OSBPL5: variants seen among roughly 807,000 people sequenced by gnomAD.
OSBPL5 encodes oxysterol binding protein like 5.
A neutral mutation model predicts 111.2 loss-of-function variants in OSBPL5; 71 were observed. The ratio of observed to expected loss-of-function variants is 0.64; its 90% CI spans 0.53 to 0.78. OSBPL5 has a LOEUF of 0.78. Ranked by LOEUF, OSBPL5 falls within the 30% of genes least tolerant of loss-of-function variation. The pLI is 0.00. For missense variants in OSBPL5, 1,210 were observed against 1,189.3 expected (o/e 1.02, Z -0.26); for synonymous variants, 549 against 513.9 (o/e 1.07, Z -0.93).
chr11:3,092,317 A>G lies in OSBPL5; in HGVS notation c.2259+115T>C. On this transcript the variant is annotated intron_variant, in intron 19 of 21. Transcript: ENST00000263650. The surrounding 1 kb of genome is among the most constrained non-coding windows in gnomAD (Gnocchi z 5.4). ...AAGGGGACGAGGGGGCTGGGGGATG[A>G]GGGCGTGAGGGAAACGGAGCGAGGG... is the stretch of plus-strand genomic sequence containing the variant. The G allele has an allele frequency of 7.5e-7, 1 of 1,339,302 alleles. No homozygotes were observed. Among genetic ancestry groups the G allele is most frequent in the East Asian group, 2.6e-5 (1 of 38,382 alleles). The allele number at this position is 1,339,302 out of a possible 1,614,324, so 83.0% of individuals were successfully genotyped here.
At chr11:3,125,287 G>C (rs932925695) in intron 3 of OSBPL5, among the ~76,000 whole-genome samples, 2 of 152,204 alleles carry the variant, frequency 1.3e-5, no homozygotes, top group Admixed American at 1.3e-4. Flanking sequence ...CGCAAATCAT[G>C]TATCGGATAA....
chr11:3,120,667 G>A (rs747238118), intron 5 of OSBPL5, 43 bp from the exon 6 acceptor site: 156 of 1,596,026 alleles, frequency 9.8e-5, no homozygotes, highest in Middle Eastern at 2.2e-4. Flanking sequence ...CTCTGGGGCC[G>A]CCATCCCTGG....
chr11:3,109,314 A>C lies in OSBPL5; in HGVS notation c.692-1369T>G, dbSNP rs1857827073. ...AGGCTGGTCTCAACCTCTGGGCCTC[A>C]AGTGATCTGCGTCGGCCTCCCAAAG... On this transcript the variant is annotated intron_variant, in intron 7 of 21. Coordinates refer to ENST00000263650, the MANE Select transcript of OSBPL5 (RefSeq NM_020896.4). The surrounding 1 kb of genome is among the most constrained non-coding windows in gnomAD (Gnocchi z 7.4). Among the ~76,000 whole-genome samples, 1 of 148,092 alleles carries C rather than the reference A, an allele frequency of 6.8e-6. No individual in the cohort carries two copies. Among genetic ancestry groups the C allele is most frequent in the Non-Finnish European group, 1.5e-5 (1 of 67,146 alleles).
rs2134508611 is a variant in OSBPL5, at chr11:3,140,262, C to A, written c.-21-11093G>T. ...CTGAGTTCAGCTCTGGAAGGGGCAG[C>A]CCACAGCAATGCTCTCTGTGAAGGG... On this transcript the variant is annotated intron_variant, in intron 1 of 21. Coordinates refer to ENST00000263650, the MANE Select transcript of OSBPL5 (RefSeq NM_020896.4). The surrounding 1 kb of genome is among the most constrained non-coding windows in gnomAD (Gnocchi z 4.5). Among the ~76,000 whole-genome samples the A allele has an allele frequency of 6.6e-6, 1 of 152,292 alleles. No homozygotes were observed. The highest frequency in any genetic ancestry group is 6.5e-5 in the Admixed American group (1 of 15,308).
intron 1 of OSBPL5, among the ~76,000 whole-genome samples, chr11:3,156,590 T>A (rs1199724026): frequency 6.6e-6 from 1 of 152,214 alleles, no homozygotes; most frequent in Non-Finnish European, 1.5e-5. Flanking sequence ...TTGTAGCTGC[T>A]GAAAGACGCC....
At position 3,104,164 on chromosome 11, in the gene OSBPL5, T is replaced by G; in HGVS notation, c.1244+29A>C. On this transcript the variant is annotated intron_variant, in intron 10 of 21. Coordinates refer to ENST00000263650, the MANE Select transcript of OSBPL5 (RefSeq NM_020896.4). This position sits in a 1 kb window ranked among gnomAD's most constrained non-coding sequence, Gnocchi z 5.0. ...TCTCATGCAGATGCAGGACGAGGTG[T>G]GGGGTGCCCCTCCCGGCATGGCGCG... 1.9e-6 allele frequency: 3 copies of G among 1,583,946 alleles called. No individual in the cohort carries two copies. The highest frequency in any genetic ancestry group is 2.6e-6 in the Non-Finnish European group (3 of 1,159,754).
rs947291215 is a variant in OSBPL5, at chr11:3,087,992, C to T, written c.*213G>A. 1.6e-5 allele frequency: 7 copies of T among 437,974 alleles called. No individual in the cohort carries two copies. Among genetic ancestry groups the T allele is most frequent in the East Asian group, 7.1e-5 (2 of 28,174 alleles). The allele number at this position is 437,974 out of a possible 1,614,324, so 27.1% of individuals were successfully genotyped here. A position where few individuals can be genotyped will look rare whatever the true frequency, so the allele number is the denominator to read the frequency against. On this transcript the variant is annotated 3_prime_UTR_variant, in exon 22 of 22. Transcript: ENST00000263650. Reference sequence around the variant, plus strand: ...CTTTAGCATTAAGGCCAGCGCTGGGCGGAAGGCCCTGCAGAGAGGCCAGTG... The same window carrying T: ...CTTTAGCATTAAGGCCAGCGCTGGGTGGAAGGCCCTGCAGAGAGGCCAGTG...
At chr11:3,136,777 G>A (rs1161032610) in intron 1 of OSBPL5, among the ~76,000 whole-genome samples, 2 of 152,234 alleles carry the variant, frequency 1.3e-5, no homozygotes, top group African/African-American at 4.8e-5. Context: ...TGACAGGGCT[G>A]GGCCGCGCTG....
chr11:3,099,245 C>T (rs1331525360), intron 14 of OSBPL5, among the ~76,000 whole-genome samples: 2 of 152,174 alleles, frequency 1.3e-5, no homozygotes, highest in Non-Finnish European at 2.9e-5. Flanking sequence ...CTAGTCACGT[C>T]TAATCATAAG....
intron 1 of OSBPL5, among the ~76,000 whole-genome samples, chr11:3,143,711 G>T (rs577777911): frequency 1.3e-5 from 2 of 152,220 alleles, no homozygotes; most frequent in African/African-American, 4.8e-5. Flanking sequence ...GTTCTGTCCC[G>T]GTTTCCTGGG....
At chr11:3,112,164 TTC>T (rs376223993) in intron 7 of OSBPL5, among the ~76,000 whole-genome samples, 3 of 152,194 alleles carry the variant, frequency 2.0e-5, no homozygotes, top group African/African-American at 7.2e-5. Flanking sequence ...ACCTTCATGT[TTC>T]TGTTTTTGTT....
At chr11:3,102,423 C>T in intron 11 of OSBPL5, 142 bp from the exon 12 acceptor site, 3 of 711,590 alleles carry the variant, frequency 4.2e-6, no homozygotes, top group Admixed American at 2.2e-5. Flanking sequence ...CATCTGGGAA[C>T]AACACCTCAC....
rs769792525 is a variant in OSBPL5, at chr11:3,162,195, T to C, written c.-22+3021A>G. On this transcript the variant is annotated intron_variant, in intron 1 of 21. Coordinates refer to ENST00000263650, the MANE Select transcript of OSBPL5 (RefSeq NM_020896.4). This position sits in a 1 kb window ranked among gnomAD's most constrained non-coding sequence, Gnocchi z 8.1. ...GGAAGGCCACGAAAGGGGAGCCTAC[T>C]AGGTAGCTGATGTGGAGCTCCAGGC... Among the ~76,000 whole-genome samples, 2 of 151,964 alleles carry C rather than the reference T, an allele frequency of 1.3e-5. No homozygotes were observed. The highest frequency in any genetic ancestry group is 2.9e-5 in the Non-Finnish European group (2 of 67,960).
chr11:3,148,940 T>C (rs1193599543), intron 1 of OSBPL5, among the ~76,000 whole-genome samples: 1 of 152,162 alleles, frequency 6.6e-6, no homozygotes. Flanking sequence ...AGGAGCTGAG[T>C]AGCCTCTGCT....
rs114990492 is a variant in OSBPL5, at chr11:3,106,531, C to T, written c.1059+732G>A. 1.3e-5 allele frequency among the ~76,000 whole-genome samples: 2 copies of T among 152,184 alleles called. No individual in the cohort carries two copies. The highest frequency in any genetic ancestry group is 6.5e-5 in the Admixed American group (1 of 15,286). ...AGGCGCCCCACGGTGCCCAGGGCCA[C>T]GTGAGTTCTCTCCAGCTGCGGGGAG... On this transcript the variant is annotated intron_variant, in intron 9 of 21. Coordinates refer to ENST00000263650, the MANE Select transcript of OSBPL5 (RefSeq NM_020896.4). The surrounding 1 kb of genome is among the most constrained non-coding windows in gnomAD (Gnocchi z 8.4).
At position 3,090,573 on chromosome 11, in the gene OSBPL5, C is replaced by T. The variant is rs1857021615; in HGVS notation, c.2383G>A (p.Gly795Ser). The T allele has an allele frequency of 6.8e-6, 11 of 1,612,694 alleles. No homozygotes were observed. The highest frequency in any genetic ancestry group is 3.3e-4 in the Middle Eastern group (2 of 6,076). ...GGGGGCTCACCAGGGACAAAGTCACCATCCTGCTCCTCGTCTGAGAGCTCT... is the reference window on the plus strand; with the variant it reads ...GGGGGCTCACCAGGGACAAAGTCACTATCCTGCTCCTCGTCTGAGAGCTCT... ...CPELSDEEQD[G>S]DFVPGGESPC... The change falls in exon 20 of 22, where the codon GGT becomes AGT. Residue 795 changes from glycine (G) to serine (S), a missense_variant. Coordinates refer to ENST00000263650, the MANE Select transcript of OSBPL5 (RefSeq NM_020896.4).
At chr11:3,122,521 G>A in intron 3 of OSBPL5, 93 bp from the exon 4 acceptor site, 1 of 1,122,676 alleles carries the variant, frequency 8.9e-7, no homozygotes, top group Non-Finnish European at 1.3e-6. Context: ...TATGAGGGCA[G>A]AAGTCAGAGA....
intron 1 of OSBPL5, among the ~76,000 whole-genome samples, chr11:3,137,730 G>C (rs1158370582): frequency 6.6e-6 from 1 of 152,206 alleles, no homozygotes. Flanking sequence ...GATTGCTTGA[G>C]CCTGGGAGGT....
Position 3,107,639 on chromosome 11 carries a change from T to G in OSBPL5, c.866+132A>C. 2.2e-6 allele frequency: 3 copies of G among 1,382,744 alleles called. No individual in the cohort carries two copies. In the South Asian group the frequency reaches 3.9e-5, roughly 18 times the overall value. 85.7% of individuals were successfully genotyped at this position (1,382,744 alleles called of 1,614,324 possible). A position where few individuals can be genotyped will look rare whatever the true frequency, so the allele number is the denominator to read the frequency against. ...AGGAACCGAGGCTCCCAGGGCACAC[T>G]GCAGCGAACAAGTCCCTGCGTGCAG... On this transcript the variant is annotated intron_variant, in intron 8 of 21. Coordinates refer to ENST00000263650, the MANE Select transcript of OSBPL5 (RefSeq NM_020896.4). The surrounding 1 kb of genome is among the most constrained non-coding windows in gnomAD (Gnocchi z 6.1).
Sources: allele counts gnomAD v4.1 joint callset (sites outside exome capture counted in the v4.1 genomes callset), GRCh38; gene constraint gnomAD v4.1.1; non-coding constraint Gnocchi (gnomAD v3.1); transcripts MANE v1.5; gene names NCBI Gene and HGNC (gene_info 2026-07-23, HGNC 2026-07-21).